MACROD2: variants seen among roughly 807,000 people sequenced by gnomAD.
The protein encoded by MACROD2 is mono-ADP ribosylhydrolase 2.
In MACROD2, 36 loss-of-function variants were observed where a neutral mutation model predicts 70.4. That is an observed-to-expected ratio of 0.51 (90% CI 0.39 to 0.68). MACROD2 has a LOEUF of 0.68. Ranked by LOEUF, MACROD2 falls within the 30% of genes least tolerant of loss-of-function variation. The pLI is 0.00. For missense variants in MACROD2, 496 were observed against 538.4 expected, an observed-to-expected ratio of 0.92 and a Z score of 0.78; for synonymous variants, 172 against 178.8, an observed-to-expected ratio of 0.96 and a Z score of 0.30.
intron 8 of MACROD2, among the ~76,000 whole-genome samples, chr20:15,771,437 C>A (rs2051624697): frequency 6.6e-6 from 1 of 151,746 alleles, no homozygotes; most frequent in Non-Finnish European, 1.5e-5. Context: ...CCCACCTTGG[C>A]CTTCCAAAGT....
chr20:14,741,127 T>G (rs2054835912), intron 5 of MACROD2, among the ~76,000 whole-genome samples: 1 of 152,188 alleles, frequency 6.6e-6, no homozygotes, highest in Non-Finnish European at 1.5e-5. Flanking sequence ...ATTAACAAAG[T>G]AAAGTCCAAT....
At chr20:14,069,210 G>A (rs535931851) in intron 2 of MACROD2, among the ~76,000 whole-genome samples, 3 of 152,314 alleles carry the variant, frequency 2.0e-5, no homozygotes, top group Non-Finnish European at 2.9e-5. Context: ...GCCTCCCAAA[G>A]TGCTGGGATT....
chr20:15,000,316 C>G (rs2074982869), intron 5 of MACROD2, among the ~76,000 whole-genome samples: 1 of 152,222 alleles, frequency 6.6e-6, no homozygotes, highest in African/African-American at 2.4e-5. Flanking sequence ...TGGTGATGTT[C>G]TATAACTTCA....
At chr20:14,512,528 T>TC (rs2085042483) in intron 4 of MACROD2, among the ~76,000 whole-genome samples, 1 of 152,106 alleles carries the variant, frequency 6.6e-6, no homozygotes, top group Non-Finnish European at 1.5e-5. Flanking sequence ...AATTGCTTAC[T>TC]CATTTGGAAA....
At chr20:14,392,706 C>A (rs1314597202) in intron 3 of MACROD2, among the ~76,000 whole-genome samples, 1 of 152,080 alleles carries the variant, frequency 6.6e-6, no homozygotes, top group East Asian at 1.9e-4. Flanking sequence ...CCTGTTTGGA[C>A]TGTCTGTTCC....
Position 14,656,304 on chromosome 20 carries a change from G to A in MACROD2, c.302-28539G>A, listed in dbSNP as rs75045402. ...GAAACTGAGTACAGAGAGTTGGGTT[G>A]ACTAAGAAATTCATATAGCCAATTG... On this transcript the variant is annotated intron_variant, in intron 4 of 17. Transcript: ENST00000684519. Among the ~76,000 whole-genome samples the A allele has an allele frequency of 9.3e-3, 1,420 of 152,280 alleles. 9 individuals carry two copies. Among genetic ancestry groups the A allele is most frequent in the Non-Finnish European group, 0.016 (1,058 of 68,014 alleles).
chr20:15,120,871 A>G (rs2076025045), intron 5 of MACROD2, among the ~76,000 whole-genome samples: 1 of 152,094 alleles, frequency 6.6e-6, no homozygotes, highest in Non-Finnish European at 1.5e-5. Flanking sequence ...CACCTGTCAC[A>G]CTCAACAATG....
At chr20:15,090,184 T>A (rs1294480151) in intron 5 of MACROD2, among the ~76,000 whole-genome samples, 1 of 134,636 alleles carries the variant, frequency 7.4e-6, no homozygotes, top group Non-Finnish European at 1.6e-5. Context: ...ACATATAATA[T>A]CACTTTGGAT....
chr20:14,622,604 T>C (rs1418768674), intron 4 of MACROD2, among the ~76,000 whole-genome samples: 1 of 152,144 alleles, frequency 6.6e-6, no homozygotes. Flanking sequence ...TCTAGCTTTC[T>C]AGGATCTGAG....
At chr20:14,868,151 G>C (rs1191931314) in intron 5 of MACROD2, among the ~76,000 whole-genome samples, 1 of 151,120 alleles carries the variant, frequency 6.6e-6, no homozygotes, top group East Asian at 1.9e-4. Flanking sequence ...TCTTGAGAGG[G>C]TTCCATCTCT....
At chr20:14,814,977 G>A (rs2072757124) in intron 5 of MACROD2, among the ~76,000 whole-genome samples, 1 of 151,998 alleles carries the variant, frequency 6.6e-6, no homozygotes, top group Admixed American at 6.6e-5. Context: ...CAAAGCTTAT[G>A]TCATCACAGT....
chr20:14,267,429 T>C (rs572732974), intron 3 of MACROD2, among the ~76,000 whole-genome samples: 22 of 152,240 alleles, frequency 1.4e-4, no homozygotes, highest in African/African-American at 5.3e-4. Context: ...CAATGACGTA[T>C]ACAATTATTA....
At chr20:15,898,280 A>C (rs1464653128) in intron 10 of MACROD2, among the ~76,000 whole-genome samples, 2 of 152,030 alleles carry the variant, frequency 1.3e-5, no homozygotes, top group African/African-American at 4.8e-5. Flanking sequence ...CTTCACCTGG[A>C]AGCTCATGCC....
chr20:14,850,463 C>G (rs1396536811), intron 5 of MACROD2: 2 of 153,078 alleles, frequency 1.3e-5, no homozygotes, highest in Non-Finnish European at 2.9e-5. Context: ...AAAAAAGATT[C>G]CACCTGCAAC....
chr20:15,223,984 C>G (rs534667515), intron 5 of MACROD2, among the ~76,000 whole-genome samples: 1 of 152,206 alleles, frequency 6.6e-6, no homozygotes, highest in East Asian at 1.9e-4. Flanking sequence ...TTAAGTTATC[C>G]AACTGCTCTG....
At chr20:15,489,470 TG>T (rs2047200864) in intron 7 of MACROD2, among the ~76,000 whole-genome samples, 1 of 152,162 alleles carries the variant, frequency 6.6e-6, no homozygotes, top group African/African-American at 2.4e-5. Flanking sequence ...AATGTTCAAG[TG>T]TAATTGAGCC....
intron 5 of MACROD2, among the ~76,000 whole-genome samples, chr20:14,721,961 T>C (rs2071475407): frequency 6.6e-6 from 1 of 152,186 alleles, no homozygotes; most frequent in East Asian, 1.9e-4. Context: ...GAATTCTATG[T>C]TGGAAAAGCC....
At chr20:15,156,875 T>G (rs1041843856) in intron 5 of MACROD2, among the ~76,000 whole-genome samples, 7 of 152,346 alleles carry the variant, frequency 4.6e-5, no homozygotes, top group Non-Finnish European at 8.8e-5. Flanking sequence ...TTCCCCATGC[T>G]TTTCTCTGGA....
At chr20:15,227,594 C>A (rs1053758380) in intron 5 of MACROD2, among the ~76,000 whole-genome samples, 1 of 152,110 alleles carries the variant, frequency 6.6e-6, no homozygotes, top group East Asian at 1.9e-4. Context: ...TTGTCTTCAA[C>A]AATGGGAACA....
Sources: gnomAD v4.1 joint callset for allele counts (sites outside exome capture counted in the v4.1 genomes callset) on GRCh38, gnomAD v4.1.1 for gene constraint, MANE v1.5 for transcripts, NCBI Gene and HGNC (gene_info 2026-07-23, HGNC 2026-07-21) for gene names.